The following MTFR1 variants were observed in gnomAD, a reference collection of about 807,000 sequenced individuals.
The protein encoded by MTFR1 is chondrocyte protein with a poly-proline region.
Under a neutral mutation model 38.8 loss-of-function variants are expected in MTFR1, and 28 were observed. That is an observed-to-expected ratio of 0.72 (90% confidence interval 0.53 to 0.99). The LOEUF is 0.99. Ranked by LOEUF, MTFR1 falls within the 50% of genes least tolerant of loss-of-function variation. MTFR1 has a pLI of 0.00. For synonymous variants in MTFR1, 145 were observed against 137.0 expected (o/e 1.06, Z -0.41); for missense variants, 358 against 395.5 (o/e 0.91, Z 0.81).
At chr8:65,703,494 C>T (rs1450267822) in intron 4 of MTFR1, among the ~76,000 whole-genome samples, 4 of 115,844 alleles carry the variant, frequency 3.5e-5, no homozygotes, top group Non-Finnish European at 6.5e-5. Flanking sequence ...AGTGCAGTGG[C>T]GTGATCTCGG....
chr8:65,737,968 A>G (rs931001994), intron 3 of MTFR1, among the ~76,000 whole-genome samples: 3 of 152,342 alleles, frequency 2.0e-5, no homozygotes, highest in East Asian at 1.9e-4. Context: ...AAGGATATCA[A>G]ATCAATGTGA....
chr8:65,662,024 TCTCTCTCC>T (rs1809431880), intron 1 of MTFR1, among the ~76,000 whole-genome samples: 2 of 103,976 alleles, frequency 1.9e-5, no homozygotes, highest in Admixed American at 1.0e-4. Context: ...TCTCTCCCTC[TCTCTCTCC>T]CTCTCTCTCC....
Position 65,675,288 on chromosome 8 carries a change from G to A in MTFR1, c.66+5270G>A, listed in dbSNP as rs542252704. On this transcript the variant is annotated intron_variant, in intron 2 of 7. Coordinates refer to ENST00000262146, the MANE Select transcript of MTFR1 (RefSeq NM_014637.4). ...AGCCTGGGCGACAGAGCAAGACTCC[G>A]TCTCAAAAACAAAACAAAACAAAAA... 2.8e-3 allele frequency among the ~76,000 whole-genome samples: 417 copies of A among 149,998 alleles called. 1 individual carries two copies. Among genetic ancestry groups the A allele is most frequent in the African/African-American group, 9.9e-3 (403 of 40,738 alleles).
At chr8:65,742,543 C>A (rs1420628972) in intron 3 of MTFR1, among the ~76,000 whole-genome samples, 1 of 152,148 alleles carries the variant, frequency 6.6e-6, no homozygotes, top group Non-Finnish European at 1.5e-5. Flanking sequence ...AAATTACCAG[C>A]ATAAGAAACA....
At chr8:65,667,723 G>A (rs1164196597) in intron 1 of MTFR1, among the ~76,000 whole-genome samples, 6 of 152,022 alleles carry the variant, frequency 3.9e-5, no homozygotes, top group Non-Finnish European at 8.8e-5. Flanking sequence ...CACCACACCT[G>A]GCCAAATTCA....
At chr8:65,727,309 G>A (rs1372287699) in intron 3 of MTFR1, 1 of 1,611,926 alleles carries the variant, frequency 6.2e-7, no homozygotes. Context: ...AAGCTGAAGT[G>A]TGACAAAAGA....
At chr8:65,664,924 T>TA (rs1416884076) in intron 1 of MTFR1, among the ~76,000 whole-genome samples, 28 of 146,780 alleles carry the variant, frequency 1.9e-4, no homozygotes, top group Non-Finnish European at 3.0e-4. Flanking sequence ...TTCATGCTTT[T>TA]AAAAAAAAAT....
chr8:65,680,853 C>G (rs113984429), intron 2 of MTFR1, among the ~76,000 whole-genome samples: 28,724 of 150,388 alleles, frequency 0.19, 2,907 homozygotes, highest in Middle Eastern at 0.23. Context: ...GCAGTGGTGC[C>G]ATCTTGGCTC....
At chr8:65,673,669 C>T (rs1804629514) in intron 2 of MTFR1, among the ~76,000 whole-genome samples, 1 of 151,464 alleles carries the variant, frequency 6.6e-6, no homozygotes, top group Non-Finnish European at 1.5e-5. Context: ...TTTGGGAGGC[C>T]GAGGCGGGTG....
chr8:65,769,283 GCA>G (rs1270283442), intron 3 of MTFR1, among the ~76,000 whole-genome samples: 1 of 148,416 alleles, frequency 6.7e-6, no homozygotes, highest in African/African-American at 2.5e-5. Context: ...ACAGATGCAT[GCA>G]CATATTTTTT....
rs1308782192 is a variant in MTFR1, at chr8:65,709,964, A to T, written c.*920A>T. The T allele has an allele frequency of 6.6e-6, 1 of 152,558 alleles. No homozygotes were observed. The allele number at this position is 152,558 out of a possible 1,614,324, so 9.5% of individuals were successfully genotyped here. A position where few individuals can be genotyped will look rare whatever the true frequency, so the allele number is the denominator to read the frequency against. On this transcript the variant is annotated 3_prime_UTR_variant, in exon 8 of 8. Coordinates refer to ENST00000262146, the MANE Select transcript of MTFR1 (RefSeq NM_014637.4). ...TTGGCAAATGAATTTCCTATAAATT[A>T]TCATTGGTCAGAATGCTGTTTTGTT...
rs1287197513 is a variant in MTFR1, at chr8:65,708,389, A to G, written c.933+378A>G. ...TGAAGTGAAATTCAGTATAGTAACA[A>G]TGTATATTTTGTGACATAGAAATTC... is the stretch of plus-strand genomic sequence containing the variant. On this transcript the variant is annotated intron_variant, in intron 7 of 7. Transcript: ENST00000262146. The G allele has an allele frequency of 1.5e-5, 5 of 325,050 alleles. No homozygotes were observed. In the East Asian group the frequency reaches 3.4e-4, roughly 22 times the overall value. 20.1% of individuals were successfully genotyped at this position (325,050 alleles called of 1,614,324 possible).
chr8:65,657,266 G>T lies in MTFR1; in HGVS notation c.-81+12482G>T, dbSNP rs913054668. 8.5e-4 allele frequency among the ~76,000 whole-genome samples: 129 copies of T among 152,110 alleles called. 4 individuals carry two copies. Among genetic ancestry groups the T allele is most frequent in the Non-Finnish European group, 2.9e-5 (2 of 68,022 alleles). On this transcript the variant is annotated intron_variant, in intron 1 of 7. Transcript: ENST00000262146. ...GACCCCATGTGATCCACCCACCTTG[G>T]CCTCCCAAAGTGCTGGGATTACAGG...
At chr8:65,676,788 A>G (rs946988711) in intron 2 of MTFR1, among the ~76,000 whole-genome samples, 21 of 152,236 alleles carry the variant, frequency 1.4e-4, no homozygotes, top group African/African-American at 5.1e-4. Flanking sequence ...GAGTGCAGTC[A>G]TCATGGATGA....
intron 1 of MTFR1, among the ~76,000 whole-genome samples, chr8:65,648,302 T>C (rs746469788): frequency 6.6e-6 from 1 of 152,084 alleles, no homozygotes; most frequent in Non-Finnish European, 1.5e-5. Context: ...CAGGCGTGAG[T>C]CACCATGCCT....
chr8:65,726,024 T>C (rs537270034), intron 3 of MTFR1, among the ~76,000 whole-genome samples: 2 of 152,332 alleles, frequency 1.3e-5, no homozygotes, highest in South Asian at 4.1e-4. Context: ...TTTTTTCTCA[T>C]GGTCATTACA....
chr8:65,647,639 T>A (rs1296746947), intron 1 of MTFR1, among the ~76,000 whole-genome samples: 1 of 152,190 alleles, frequency 6.6e-6, no homozygotes, highest in Non-Finnish European at 1.5e-5. Context: ...ATGATAGACT[T>A]CATTTTCCAT....
At chr8:65,776,288 G>A in the MTFR1 span, among the ~76,000 whole-genome samples, 1 of 151,892 alleles carries the variant, frequency 6.6e-6, no homozygotes, top group Non-Finnish European at 1.5e-5. Context: ...GGTTATTTCT[G>A]GATTCTATAG....
chr8:65,730,467 AC>A (rs2128895230), intron 3 of MTFR1, among the ~76,000 whole-genome samples: 2 of 152,046 alleles, frequency 1.3e-5, no homozygotes, highest in South Asian at 4.2e-4. Context: ...GGTGTGAGCC[AC>A]CAAGCCCAGC....
Sources: gnomAD v4.1 joint callset for allele counts (sites outside exome capture counted in the v4.1 genomes callset) on GRCh38, gnomAD v4.1.1 for gene constraint, MANE v1.5 for transcripts, NCBI Gene and HGNC (gene_info 2026-07-23, HGNC 2026-07-21) for gene names.